The following GAB3 variants were observed in gnomAD, a reference collection of about 807,000 sequenced individuals.
GAB3 encodes GRB2-associated-binding protein 3.
GAB3 carries 12 observed loss-of-function variants against 40.4 expected under a neutral mutation model. The ratio of observed to expected loss-of-function variants is 0.30; its 90% CI spans 0.19 to 0.48. The LOEUF (loss-of-function observed/expected upper bound fraction) is 0.48. Ranked by LOEUF, GAB3 falls within the 20% of genes least tolerant of loss-of-function variation. GAB3 has a pLI of 0.99. For synonymous variants in GAB3, 154 were observed against 176.7 expected (o/e 0.87, Z 1.02); for missense variants, 381 against 461.9 (o/e 0.82, Z 1.61).
chrX:154,751,029 G>GGCC lies in GAB3; in HGVS notation c.-7_-5dup, dbSNP rs782498754. 8 of 801,031 alleles carry GGCC rather than the reference G, an allele frequency of 1.0e-5. No homozygotes were observed. The highest frequency in any genetic ancestry group is 2.3e-5 in the African/African-American group (1 of 43,432). 66.0% of individuals were successfully genotyped at this position (801,031 alleles called of 1,213,427 possible). A position where few individuals can be genotyped will look rare whatever the true frequency, so the allele number is the denominator to read the frequency against. On this transcript the variant is annotated 5_prime_UTR_variant, in exon 1 of 10. Coordinates refer to ENST00000424127, the MANE Select transcript of GAB3 (RefSeq NM_001081573.3). Reference sequence around the variant, plus strand: ...ACACTGCGTCGCCCGCACTCATCGTGGCCGCCGCCGCCGCTTCCTCCAGCT... The same window carrying GGCC: ...ACACTGCGTCGCCCGCACTCATCGTGGCCGCCGCCGCCGCCGCTTCCTCCAGCT...
At chrX:154,687,599 A>G (rs2070476692) in intron 8 of GAB3, among the ~76,000 whole-genome samples, 1 of 96,161 alleles carries the variant, frequency 1.0e-5, no homozygotes, top group Admixed American at 1.2e-4. Context: ...GCGCCACTGC[A>G]CTCCAGCCTG....
At chrX:154,746,557 G>C (rs2071532001) in intron 1 of GAB3, among the ~76,000 whole-genome samples, 1 of 112,260 alleles carries the variant, frequency 8.9e-6, no homozygotes, top group African/African-American at 3.2e-5. Flanking sequence ...AAACTAGCAA[G>C]ATGGGGGAGC....
At chrX:154,743,951 C>T (rs2071484443) in intron 1 of GAB3, among the ~76,000 whole-genome samples, 3 of 111,094 alleles carry the variant, frequency 2.7e-5, no homozygotes, top group Non-Finnish European at 5.7e-5. Flanking sequence ...TGTGGTGGCT[C>T]ACACCTGTAA....
intron 1 of GAB3, among the ~76,000 whole-genome samples, chrX:154,749,781 T>G (rs1228192863): frequency 8.9e-6 from 1 of 112,528 alleles, no homozygotes; most frequent in Non-Finnish European, 1.9e-5. Flanking sequence ...GAAAGAGGGC[T>G]TGAGCAACTC....
At chrX:154,744,212 C>CAAAAAAAAAAA (rs56796528) in intron 1 of GAB3, among the ~76,000 whole-genome samples, 1 of 30,574 alleles carries the variant, frequency 3.3e-5, no homozygotes, top group Non-Finnish European at 4.4e-5. Flanking sequence ...GATTCCATCT[C>CAAAAAAAAAAA]AAAAAAAAAA....
chrX:154,686,014 T>C (rs1156879620), intron 8 of GAB3, among the ~76,000 whole-genome samples: 1 of 111,498 alleles, frequency 9.0e-6, no homozygotes, highest in Non-Finnish European at 1.9e-5. Flanking sequence ...ATTAAAGAAA[T>C]TGAATTCACC....
intron 1 of GAB3, among the ~76,000 whole-genome samples, chrX:154,737,291 G>A (rs1173789622): frequency 7.2e-5 from 8 of 111,575 alleles, no homozygotes; most frequent in African/African-American, 1.6e-4. Flanking sequence ...GGGAGGAAAG[G>A]CGGGTGACTG....
In GAB3 at chrX:154,678,123, AC is replaced by A; in HGVS notation, c.*54del. ...GACAAAAAAAAAAAAAAAAGAAAAA[AC>A]TCAAACTGAGCCCCAAGCTTCCCTG... On this transcript the variant is annotated 3_prime_UTR_variant, in exon 10 of 10. Coordinates refer to ENST00000424127, the MANE Select transcript of GAB3 (RefSeq NM_001081573.3). The A allele has an allele frequency of 1.6e-6, 1 of 644,763 alleles. No homozygotes were observed. The highest frequency in any genetic ancestry group is 2.4e-6 in the Non-Finnish European group (1 of 411,659). The allele number at this position is 644,763 out of a possible 1,213,427, so 53.1% of individuals were successfully genotyped here. A position where few individuals can be genotyped will look rare whatever the true frequency, so the allele number is the denominator to read the frequency against.
chrX:154,749,198 C>T (rs185005583), intron 1 of GAB3, among the ~76,000 whole-genome samples: 2 of 111,837 alleles, frequency 1.8e-5, no homozygotes, highest in Admixed American at 1.9e-4. Flanking sequence ...GAATGAACCG[C>T]GTGTGATAAT....
chrX:154,693,591 A>G (rs782434376), intron 8 of GAB3, among the ~76,000 whole-genome samples: 7 of 112,040 alleles, frequency 6.2e-5, no homozygotes, highest in African/African-American at 2.3e-4. Context: ...TTACAGGTGA[A>G]GGGAGGATGT....
rs144906859 is a variant in GAB3 at position 154,699,445 on chromosome X, G to A, written c.1194C>T (p.Ser398=). Residue 398 remains serine, a synonymous_variant, in exon 6 of 10, where the codon AGC becomes AGT. Transcript: ENST00000424127. ...ASIEDSYVPM[S]PQAGASGLGP... ...CAAGACCAGAGGCACCAGCCTGGGG[G>A]CTCATGGGCACATAGCTGTCTTCGA... The A allele has an allele frequency of 5.8e-6, 7 of 1,209,755 alleles. No homozygotes were observed. In the African/African-American group the frequency reaches 1.2e-4, roughly 21 times the overall value.
At chrX:154,727,923 C>CT (rs1359604574) in intron 1 of GAB3, among the ~76,000 whole-genome samples, 1 of 112,178 alleles carries the variant, frequency 8.9e-6, no homozygotes, top group Non-Finnish European at 1.9e-5. Context: ...AGTTTCACTT[C>CT]TTTGGCTCCA....
chrX:154,724,757 A>G (rs1451592298), intron 1 of GAB3, among the ~76,000 whole-genome samples: 1 of 112,455 alleles, frequency 8.9e-6, no homozygotes, highest in Non-Finnish European at 1.9e-5. Context: ...AGTAAAAGCT[A>G]CACATTGTTC....
intron 3 of GAB3, 103 bp downstream of exon 3, chrX:154,713,104 C>T: frequency 1.5e-6 from 1 of 651,710 alleles, no homozygotes; most frequent in Non-Finnish European, 2.5e-6. Context: ...TTTGGTGAAG[C>T]ACACTGAACA....
At chrX:154,679,298 C>T (rs782164153) in intron 9 of GAB3, 3 of 333,252 alleles carry the variant, frequency 9.0e-6, no homozygotes, top group South Asian at 5.5e-5. Context: ...TCTCTTGCCT[C>T]GGCCCTGGAC....
chrX:154,735,337 T>C (rs1188166647), intron 1 of GAB3, among the ~76,000 whole-genome samples: 1 of 112,576 alleles, frequency 8.9e-6, no homozygotes, highest in Non-Finnish European at 1.9e-5. Flanking sequence ...TGTGATTATT[T>C]GAGTGCCATT....
intron 4 of GAB3, among the ~76,000 whole-genome samples, chrX:154,706,631 G>T (rs782295714): frequency 9.0e-6 from 1 of 111,096 alleles, no homozygotes; most frequent in African/African-American, 3.3e-5. Context: ...AACAAATCTG[G>T]GCTGGACATA....
chrX:154,709,706 G>A (rs978970409), intron 4 of GAB3, among the ~76,000 whole-genome samples: 2 of 110,843 alleles, frequency 1.8e-5, no homozygotes, highest in South Asian at 3.8e-4. Flanking sequence ...AATGGATAAA[G>A]GATATAATGG....
chrX:154,741,584 G>A (rs1205230347), intron 1 of GAB3, among the ~76,000 whole-genome samples: 2 of 106,214 alleles, frequency 1.9e-5, no homozygotes, highest in East Asian at 3.0e-4. Flanking sequence ...GCTGAGGCAG[G>A]AGAATTGTTT....
Sources: gnomAD v4.1 joint callset for allele counts (sites outside exome capture counted in the v4.1 genomes callset) on GRCh38, gnomAD v4.1.1 for gene constraint, MANE v1.5 for transcripts, NCBI Gene and HGNC (gene_info 2026-07-23, HGNC 2026-07-21) for gene names.